AMHR2: variants seen among roughly 807,000 people sequenced by gnomAD.
AMHR2 encodes the protein anti-Muellerian hormone type-2 receptor.
In AMHR2, 36 loss-of-function variants were observed where a neutral mutation model predicts 61.4. The ratio of observed to expected loss-of-function variants is 0.59; its 90% confidence interval spans 0.45 to 0.77. AMHR2 has a LOEUF of 0.77. Among genes scored for constraint, AMHR2 ranks in the 30% least tolerant of loss-of-function variants. AMHR2 has a pLI of 0.00. For missense variants in AMHR2, 638 were observed against 714.6 expected (o/e 0.89, Z 1.22); for synonymous variants, 258 against 279.4 (o/e 0.92, Z 0.76).
At position 53,431,347 on chromosome 12, in the gene AMHR2, C is replaced by G. The variant is rs564687507; in HGVS notation, c.1596C>G (p.Asp532Glu). ...PRGCPPLCPE[D>E]CTSIPAPTIL... is the part of the protein sequence containing the mutation. Reference sequence around the variant, plus strand: ...GCTGCCCACCTCTCTGCCCAGAAGACTGTACTTCAATTCCTGCCCCTACCA... The same window carrying G: ...GCTGCCCACCTCTCTGCCCAGAAGAGTGTACTTCAATTCCTGCCCCTACCA... The change falls in exon 11 of 11, where the codon GAC becomes GAG. Residue 532 changes from aspartate to glutamate, a missense_variant. Coordinates refer to ENST00000257863, the MANE Select transcript of AMHR2 (RefSeq NM_020547.3). 1 of 1,614,240 alleles carries G rather than the reference C, an allele frequency of 6.2e-7. No homozygotes were observed. Among genetic ancestry groups the G allele is most frequent in the South Asian group, 1.1e-5 (1 of 91,088 alleles).
At chr12:53,429,763 C>T in intron 8 of AMHR2, 68 bp from the exon 9 acceptor site, 1 of 1,610,304 alleles carries the variant, frequency 6.2e-7, no homozygotes, top group African/African-American at 1.3e-5. Context: ...GGGGATATTG[C>T]ATGGACCATT....
intron 6 of AMHR2, among the ~76,000 whole-genome samples, chr12:53,426,521 G>C (rs1447094629): frequency 1.3e-5 from 2 of 151,588 alleles, no homozygotes; most frequent in Non-Finnish European, 1.5e-5. Context: ...TACTTGGGAG[G>C]CTGAAGTGGA....
In AMHR2 at chr12:53,431,172, C is replaced by T. The variant is rs1299792881; in HGVS notation, c.1426-5C>T. 3.7e-6 allele frequency: 6 copies of T among 1,613,930 alleles called. No homozygotes were observed. Among genetic ancestry groups the T allele is most frequent in the Non-Finnish European group, 5.1e-6 (6 of 1,180,046 alleles). Reference sequence around the variant, plus strand: ...TCAACCCTTCCTCCCTGTCATTCCCCCCAGGACCCTGATGGGCTGAGGGAG... The same window carrying T: ...TCAACCCTTCCTCCCTGTCATTCCCTCCAGGACCCTGATGGGCTGAGGGAG... On this transcript the variant is annotated splice_polypyrimidine_tract_variant and splice_region_variant and intron_variant, in intron 10 of 10. Coordinates refer to ENST00000257863, the MANE Select transcript of AMHR2 (RefSeq NM_020547.3).
chr12:53,424,461 G>A lies in AMHR2; in HGVS notation c.223G>A (p.Glu75Lys), dbSNP rs1358117714. 1.2e-6 allele frequency: 2 copies of A among 1,612,968 alleles called. No individual in the cohort carries two copies. The highest frequency in any genetic ancestry group is 1.7e-6 in the Non-Finnish European group (2 of 1,179,558). The change falls in exon 2 of 11, where the codon GAA becomes AAA. Residue 75 changes from glutamate to lysine, a missense_variant. Transcript: ENST00000257863. ...CCTGACCCAAGACCGGGCACAGGTGGAAATGCAAGGTGAATGGCAAAGTAT... is the reference window on the plus strand; with the variant it reads ...CCTGACCCAAGACCGGGCACAGGTGAAAATGCAAGGTGAATGGCAAAGTAT... ...WNLTQDRAQV[E>K]MQGCRDSDEP...
chr12:53,424,416 T>G lies in AMHR2; in HGVS notation c.178T>G (p.Cys60Gly). The G allele has an allele frequency of 6.2e-7, 1 of 1,613,752 alleles. No individual in the cohort carries two copies. Among genetic ancestry groups the G allele is most frequent in the Non-Finnish European group, 8.5e-7 (1 of 1,179,906 alleles). ...PRAIRCLYSRCCFGIWNLTQD... is the reference protein window; with the variant it reads ...PRAIRCLYSRGCFGIWNLTQD... The stretch of plus-strand genomic sequence containing the variant: ...AGCTATCCGCTGCCTCTACAGCCGC[T>G]GCTGCTTTGGGATCTGGAACCTGAC... The change falls in exon 2 of 11, where the codon TGC becomes GGC. Residue 60 changes from cysteine to glycine, a missense_variant. Transcript: ENST00000257863.
intron 1 of AMHR2, 134 bp downstream of exon 1, chr12:53,424,117 TC>T: frequency 7.6e-7 from 1 of 1,307,836 alleles, no homozygotes; most frequent in Middle Eastern, 2.0e-4. Flanking sequence ...GAGCCATGTG[TC>T]CCCATGGCAG....
At chr12:53,429,383 C>T (rs1483439007) in intron 7 of AMHR2, 70 bp from the exon 8 acceptor site, 29 of 1,509,474 alleles carry the variant, frequency 1.9e-5, no homozygotes, top group Admixed American at 1.7e-4. Context: ...CAGAGCGAGA[C>T]GCCGACTCAA....
chr12:53,429,722 G>T, intron 8 of AMHR2, 97 bp downstream of exon 8: 1 of 1,599,072 alleles, frequency 6.3e-7, no homozygotes, highest in South Asian at 1.1e-5. Context: ...AATACCTATA[G>T]CATTTGGGAC....
At chr12:53,426,816 G>C (rs2136954268) in intron 6 of AMHR2, among the ~76,000 whole-genome samples, 1 of 151,818 alleles carries the variant, frequency 6.6e-6, no homozygotes, top group East Asian at 1.9e-4. Context: ...CCCAGTAGCT[G>C]GGATTACAGG....
At position 53,430,222 on chromosome 12, in the gene AMHR2, C is replaced by T. The variant is rs1381794026; in HGVS notation, c.1365C>T (p.Ala455=). 11 of 1,614,046 alleles carry T rather than the reference C, an allele frequency of 6.8e-6. No homozygotes were observed. Among genetic ancestry groups the T allele is most frequent in the Non-Finnish European group, 9.3e-6 (11 of 1,180,034 alleles). ...GNTPTSDELW[A]LAVQERRRPY... is the part of the protein sequence containing the mutation. ...CCCCTACCTCTGATGAGCTATGGGCCTTGGCAGTGCAGGAGAGGAGGCGTC... is the reference window on the plus strand; with the variant it reads ...CCCCTACCTCTGATGAGCTATGGGCTTTGGCAGTGCAGGAGAGGAGGCGTC... Residue 455 remains alanine, a synonymous_variant, in exon 10 of 11, where the codon GCC becomes GCT. Transcript: ENST00000257863.
chr12:53,429,503 C>G lies in AMHR2; in HGVS notation c.1018C>G (p.Leu340Val). 1.2e-6 allele frequency: 2 copies of G among 1,613,892 alleles called. No homozygotes were observed. Among genetic ancestry groups the G allele is most frequent in the Non-Finnish European group, 8.5e-7 (1 of 1,180,000 alleles). The change falls in exon 8 of 11, where the codon CTC (leucine) becomes GTC (valine). Residue 340 changes from leucine to valine, a missense_variant. Physicochemically the swap from Leu to Val is conservative, Grantham distance 32. Coordinates refer to ENST00000257863, the MANE Select transcript of AMHR2 (RefSeq NM_020547.3). Reference protein sequence around the residue: ...AHRDLSSQNVLIREDGSCAIG... With the variant: ...AHRDLSSQNVVIREDGSCAIG... Reference sequence around the variant, plus strand: ...CCGAGATCTGAGCAGCCAGAATGTGCTCATTCGGGAAGATGGATCGTGTGC... The same window carrying G: ...CCGAGATCTGAGCAGCCAGAATGTGGTCATTCGGGAAGATGGATCGTGTGC...
chr12:53,430,331 G>T, intron 10 of AMHR2, 49 bp downstream of exon 10: 2 of 1,613,864 alleles, frequency 1.2e-6, no homozygotes, highest in Non-Finnish European at 1.7e-6. Flanking sequence ...TGGGGGCTGG[G>T]CATGGGCTTC....
intron 1 of AMHR2, 141 bp from the exon 2 acceptor site, chr12:53,424,147 C>T: frequency 7.5e-7 from 1 of 1,341,270 alleles, no homozygotes; most frequent in African/African-American, 1.4e-5. Context: ...TTCCAGGCCT[C>T]TGCTGACCCT....
At position 53,431,297 on chromosome 12, in the gene AMHR2, C is replaced by A. The variant is rs1940079521; in HGVS notation, c.1546C>A (p.Pro516Thr). ...CTTGGCCCATCCTCAAGAGAGCCAC[C>A]CCTTTCCAGAGAGCTGTCCACGTGG... ...AALAHPQESH[P>T]FPESCPRGCP... Residue 516 changes from proline to threonine, a missense_variant, in exon 11 of 11, where the codon CCC (proline) becomes ACC (threonine). Physicochemically the swap from Pro to Thr is conservative, Grantham distance 38 (BLOSUM62 -1). Coordinates refer to ENST00000257863, the MANE Select transcript of AMHR2 (RefSeq NM_020547.3). 1.2e-6 allele frequency: 2 copies of A among 1,614,200 alleles called. No individual in the cohort carries two copies. The highest frequency in any genetic ancestry group is 4.5e-5 in the East Asian group (2 of 44,890).
Position 53,423,861 on chromosome 12 carries a change from G to T in AMHR2, c.-74G>T. On this transcript the variant is annotated 5_prime_UTR_variant, in exon 1 of 11. Transcript: ENST00000257863. ...AGAAGCCCCAGGATGCCCTGTATCT[G>T]AAGAAAGATTTGGCCAGGGGCAGCT... 1 of 1,543,716 alleles carries T rather than the reference G, an allele frequency of 6.5e-7. No individual in the cohort carries two copies.
intron 3 of AMHR2, 24 bp from the exon 4 acceptor site, chr12:53,425,141 C>T (rs1939443719): frequency 6.2e-7 from 1 of 1,613,282 alleles, no homozygotes; most frequent in African/African-American, 1.3e-5. Context: ...GCTCTCCAGC[C>T]TGCATTCTTG....
rs539695176 is a variant in AMHR2, at chr12:53,425,913, T to G, written c.846T>G (p.His282Gln). 3.9e-5 allele frequency: 63 copies of G among 1,613,728 alleles called. No homozygotes were observed. Among genetic ancestry groups the G allele is most frequent in the Non-Finnish European group, 5.1e-5 (60 of 1,179,952 alleles). The change falls in exon 6 of 11, where the codon CAT becomes CAG. Residue 282 changes from histidine to glutamine, a missense_variant. His to Gln is a conservative substitution (Grantham distance 24). Coordinates refer to ENST00000257863, the MANE Select transcript of AMHR2 (RefSeq NM_020547.3). ...GGCCCCTGCTGGTACTGGAACTGCA[T>G]CCCAAGGTGAGCACCAAGGAGTGTA... ...LSGPLLVLEL[H>Q]PKGSLCHYLT...
At chr12:53,426,147 A>G (rs1394515981) in intron 6 of AMHR2, among the ~76,000 whole-genome samples, 1 of 151,982 alleles carries the variant, frequency 6.6e-6, no homozygotes, top group Non-Finnish European at 1.5e-5. Context: ...CCTAGGCAAT[A>G]TGAGGAAACC....
intron 6 of AMHR2, among the ~76,000 whole-genome samples, chr12:53,427,569 A>C (rs1017398166): frequency 6.6e-6 from 1 of 152,002 alleles, no homozygotes; most frequent in Non-Finnish European, 1.5e-5. Context: ...CTCCTGGCTA[A>C]TTTTTGTATT....
Sources: allele counts gnomAD v4.1 joint callset (sites outside exome capture counted in the v4.1 genomes callset), GRCh38; gene constraint gnomAD v4.1.1; transcripts MANE v1.5; gene names NCBI Gene and HGNC (gene_info 2026-07-23, HGNC 2026-07-21).